TMEM132D: variants seen among roughly 807,000 people sequenced by gnomAD.
TMEM132D encodes the protein mature OL transmembrane protein.
TMEM132D carries 21 observed loss-of-function variants against 62.3 expected under a neutral mutation model. The ratio of observed to expected loss-of-function variants is 0.34; its 90% CI spans 0.24 to 0.49. The LOEUF is 0.49. Among genes scored for constraint, TMEM132D ranks in the 20% least tolerant of loss-of-function variants. The probability of loss-of-function intolerance (pLI) is 0.99; values close to 1 mark genes in which losing one functional copy is unlikely to be tolerated. For synonymous variants in TMEM132D, 621 were observed against 575.6 expected (o/e 1.08, Z -1.13); for missense variants, 1,346 against 1,402.8 (o/e 0.96, Z 0.65).
At chr12:129,345,017 T>C (rs1372147317) in intron 3 of TMEM132D, among the ~76,000 whole-genome samples, 2 of 152,154 alleles carry the variant, frequency 1.3e-5, no homozygotes, top group African/African-American at 4.8e-5. Context: ...CCTTTGCTTT[T>C]TGTTTCATTT....
At chr12:129,726,847 T>C (rs755970768) in intron 1 of TMEM132D, among the ~76,000 whole-genome samples, 8 of 151,988 alleles carry the variant, frequency 5.3e-5, no homozygotes, top group Non-Finnish European at 1.2e-4. Flanking sequence ...AGAACAGGAG[T>C]TCTGTTCCCA....
chr12:129,477,831 T>A lies in TMEM132D; in HGVS notation c.1115+53228A>T, dbSNP rs563279156. Among the ~76,000 whole-genome samples, 328 of 150,848 alleles carry A rather than the reference T, an allele frequency of 2.2e-3. 1 individual carries two copies. The highest frequency in any genetic ancestry group is 7.4e-3 in the African/African-American group (305 of 41,086). On this transcript the variant is annotated intron_variant, in intron 3 of 8. Transcript: ENST00000422113. ...GCAAGATTCCATTTCAAAAAAAAAA[T>A]AAAATAAAATAGACACATACACACA...
chr12:129,667,426 T>C (rs1043627315), intron 2 of TMEM132D, among the ~76,000 whole-genome samples: 3 of 152,140 alleles, frequency 2.0e-5, no homozygotes, highest in Non-Finnish European at 2.9e-5. Context: ...ACAAATTCAG[T>C]TGGCCTCATG....
At chr12:129,667,334 A>G (rs974327905) in intron 2 of TMEM132D, among the ~76,000 whole-genome samples, 34 of 152,334 alleles carry the variant, frequency 2.2e-4, no homozygotes, top group African/African-American at 7.9e-4. Context: ...CAATTTTTCT[A>G]TAATGTTAAA....
chr12:129,760,444 T>C (rs953103716), intron 1 of TMEM132D, among the ~76,000 whole-genome samples: 1 of 148,004 alleles, frequency 6.8e-6, no homozygotes, highest in African/African-American at 2.5e-5. Flanking sequence ...CCACTCTCCT[T>C]CCTCAGCCTC....
intron 1 of TMEM132D, among the ~76,000 whole-genome samples, chr12:129,807,699 C>T (rs1057040803): frequency 1.3e-5 from 2 of 152,130 alleles, no homozygotes; most frequent in Non-Finnish European, 2.9e-5. Context: ...GTGTGAAAGG[C>T]GGGCAGGCTG....
At chr12:129,466,308 T>G in intron 3 of TMEM132D, among the ~76,000 whole-genome samples, 1 of 37,288 alleles carries the variant, frequency 2.7e-5, no homozygotes, top group Admixed American at 3.1e-4. Flanking sequence ...TTTTTTTTTT[T>G]TTTTTTTTTT....
chr12:129,438,550 G>A (rs1357833671), intron 3 of TMEM132D, among the ~76,000 whole-genome samples: 1 of 152,168 alleles, frequency 6.6e-6, no homozygotes, highest in South Asian at 2.1e-4. Context: ...TCATTTGTAT[G>A]AAGTCCAAAA....
At chr12:129,517,104 T>C (rs563790375) in intron 3 of TMEM132D, among the ~76,000 whole-genome samples, 108 of 152,194 alleles carry the variant, frequency 7.1e-4, no homozygotes, top group African/African-American at 2.5e-3. Context: ...ACCTATATAT[T>C]GACAAGCTAT....
At chr12:129,110,372 T>A (rs1258251749) in intron 5 of TMEM132D, 1 of 152,160 alleles carries the variant, frequency 6.6e-6, no homozygotes, top group Non-Finnish European at 1.5e-5. Flanking sequence ...AAGTTCCCTG[T>A]TAGAGATTCA....
chr12:129,467,500 T>C (rs929570485), intron 3 of TMEM132D, among the ~76,000 whole-genome samples: 3 of 152,112 alleles, frequency 2.0e-5, no homozygotes, highest in African/African-American at 7.2e-5. Context: ...GGCCAAGAGG[T>C]TGAGCATTCT....
chr12:129,418,026 C>T (rs905838962), intron 3 of TMEM132D, among the ~76,000 whole-genome samples: 3 of 152,114 alleles, frequency 2.0e-5, no homozygotes, highest in Admixed American at 6.5e-5. Context: ...GTTAGAAAGG[C>T]GATCATTAAA....
Position 129,168,663 on chromosome 12 carries a change from G to T in TMEM132D, c.1443+40857C>A, listed in dbSNP as rs1417827354. On this transcript the variant is annotated intron_variant, in intron 5 of 8. Coordinates refer to ENST00000422113, the MANE Select transcript of TMEM132D (RefSeq NM_133448.3). ...CACCTGGGCTCTACAGACATTTAAG[G>T]TTGGATAATTCTATGTTTCGTGGGG... 3.9e-5 allele frequency among the ~76,000 whole-genome samples: 6 copies of T among 152,128 alleles called. No individual in the cohort carries two copies. The South Asian group carries it at 6.2e-4, about 16-fold the overall frequency.
chr12:129,690,221 T>C (rs1193983893), intron 2 of TMEM132D, among the ~76,000 whole-genome samples: 1 of 152,030 alleles, frequency 6.6e-6, no homozygotes, highest in Non-Finnish European at 1.5e-5. Flanking sequence ...GTAGAATCAG[T>C]ACACCAAGAG....
intron 2 of TMEM132D, among the ~76,000 whole-genome samples, chr12:129,572,750 A>C (rs537390825): frequency 4.8e-4 from 73 of 152,116 alleles, no homozygotes; most frequent in African/African-American, 1.7e-3. Flanking sequence ...CGCCCGGCCC[A>C]GAGGGTCTGT....
chr12:129,594,866 G>T (rs770837965), intron 2 of TMEM132D, among the ~76,000 whole-genome samples: 2 of 152,092 alleles, frequency 1.3e-5, no homozygotes, highest in East Asian at 3.9e-4. Flanking sequence ...TGGGACTACC[G>T]CTCAGTTTGT....
chr12:129,899,316 G>C (rs1052375735), intron 1 of TMEM132D, among the ~76,000 whole-genome samples: 7 of 88,434 alleles, frequency 7.9e-5, no homozygotes, highest in South Asian at 9.0e-4. Flanking sequence ...TGGATGGATG[G>C]ATGGATGGAT....
chr12:129,128,377 A>G (rs1424142081), intron 5 of TMEM132D, among the ~76,000 whole-genome samples: 1 of 152,200 alleles, frequency 6.6e-6, no homozygotes, highest in Non-Finnish European at 1.5e-5. Context: ...CAGGAAACTT[A>G]CAATCCTGGT....
intron 4 of TMEM132D, among the ~76,000 whole-genome samples, chr12:129,255,190 A>G (rs1880367826): frequency 6.6e-6 from 1 of 152,198 alleles, no homozygotes; most frequent in South Asian, 2.1e-4. Flanking sequence ...AACAGAAGCC[A>G]CTGTGCTTCC....
Sources: allele counts gnomAD v4.1 joint callset (sites outside exome capture counted in the v4.1 genomes callset), GRCh38; gene constraint gnomAD v4.1.1; transcripts MANE v1.5; gene names NCBI Gene and HGNC (gene_info 2026-07-23, HGNC 2026-07-21).